Variants in PTPRN2 observed in about 807,000 individuals in gnomAD.
The protein encoded by PTPRN2 is receptor-type tyrosine-protein phosphatase N2.
In PTPRN2, 74 loss-of-function variants were observed where a neutral mutation model predicts 118.8. The observed-to-expected ratio is 0.62, with a 90% CI of 0.52 to 0.76. The LOEUF is 0.76. Among genes scored for constraint, PTPRN2 ranks in the 30% least tolerant of loss-of-function variants. PTPRN2 has a pLI of 0.00. For synonymous variants in PTPRN2, 641 were observed against 608.0 expected, an observed-to-expected ratio of 1.05 and a Z score of -0.80; for missense variants, 1,481 against 1,394.4, an observed-to-expected ratio of 1.06 and a Z score of -0.99.
intron 2 of PTPRN2, among the ~76,000 whole-genome samples, chr7:158,442,631 A>C (rs1224285633): frequency 6.6e-6 from 1 of 152,178 alleles, no homozygotes; most frequent in African/African-American, 2.4e-5. Flanking sequence ...ATTTACCCGA[A>C]TGTTCTTCAC....
intron 1 of PTPRN2, among the ~76,000 whole-genome samples, chr7:158,542,423 G>A (rs1163964692): frequency 6.6e-6 from 1 of 152,240 alleles, no homozygotes; most frequent in African/African-American, 2.4e-5. Context: ...AAAGTGATGG[G>A]ATTACGGGCG....
intron 12 of PTPRN2, among the ~76,000 whole-genome samples, chr7:157,714,068 G>A (rs892309963): frequency 6.6e-6 from 1 of 152,172 alleles, no homozygotes; most frequent in Admixed American, 6.5e-5. Context: ...CGAAGGCATC[G>A]TCTTCTATAT....
intron 2 of PTPRN2, among the ~76,000 whole-genome samples, chr7:158,450,084 T>C (rs1302179659): frequency 2.0e-5 from 3 of 152,212 alleles, no homozygotes; most frequent in African/African-American, 4.8e-5. Context: ...CACCGCGTCC[T>C]TACATGGAGG....
At chr7:158,375,897 C>G (rs919466172) in intron 2 of PTPRN2, among the ~76,000 whole-genome samples, 3 of 152,158 alleles carry the variant, frequency 2.0e-5, no homozygotes, top group African/African-American at 4.8e-5. Flanking sequence ...CCATCCATCC[C>G]ACTGAGAGCC....
chr7:157,578,179 C>T, intron 17 of PTPRN2, 39 bp from the exon 18 acceptor site: 1 of 1,577,840 alleles, frequency 6.3e-7, no homozygotes, highest in Non-Finnish European at 8.6e-7. Context: ...GTGTGACTGT[C>T]TCATCACCGC....
chr7:158,565,149 C>T lies in PTPRN2; in HGVS notation c.112+22409G>A, dbSNP rs924887346. Among the ~76,000 whole-genome samples the T allele has an allele frequency of 1.3e-5, 2 of 152,170 alleles. No individual in the cohort carries two copies. The highest frequency in any genetic ancestry group is 1.3e-4 in the Admixed American group (2 of 15,284). ...TTCTGCTCTATAAAACTATGAGGTT[C>T]CCAGGAACATGACACAGTCCGTGCT... On this transcript the variant is annotated intron_variant, in intron 1 of 22. Transcript: ENST00000389418. The surrounding 1 kb of genome is among the most constrained non-coding windows in gnomAD (Gnocchi z 4.6).
At chr7:158,518,290 A>G (rs570022076) in intron 1 of PTPRN2, among the ~76,000 whole-genome samples, 9 of 152,290 alleles carry the variant, frequency 5.9e-5, no homozygotes, top group African/African-American at 2.2e-4. Context: ...TATGAACATT[A>G]ATAGAGACGA....
At chr7:158,149,305 A>C (rs553288234) in intron 6 of PTPRN2, among the ~76,000 whole-genome samples, 1 of 152,338 alleles carries the variant, frequency 6.6e-6, no homozygotes, top group African/African-American at 2.4e-5. Flanking sequence ...CAATGTCATC[A>C]ATGTGTAAAT....
At chr7:158,554,222 G>A (rs1387660858) in intron 1 of PTPRN2, among the ~76,000 whole-genome samples, 1 of 152,194 alleles carries the variant, frequency 6.6e-6, no homozygotes, top group Non-Finnish European at 1.5e-5. Flanking sequence ...CTGAGATCGC[G>A]CCACTGCACT....
At chr7:158,187,905 C>G (rs1436787930) in intron 5 of PTPRN2, among the ~76,000 whole-genome samples, 1 of 152,176 alleles carries the variant, frequency 6.6e-6, no homozygotes, top group Middle Eastern at 3.2e-3. Flanking sequence ...CCAAACTTAT[C>G]AGAAGGTGGA....
chr7:157,812,974 C>T (rs1405460295), intron 12 of PTPRN2, among the ~76,000 whole-genome samples: 1 of 152,200 alleles, frequency 6.6e-6, no homozygotes, highest in Non-Finnish European at 1.5e-5. Flanking sequence ...ACATTCCACG[C>T]TGCTCCCTAA....
intron 17 of PTPRN2, among the ~76,000 whole-genome samples, chr7:157,579,954 G>C (rs948603112): frequency 6.6e-6 from 1 of 152,212 alleles, no homozygotes; most frequent in African/African-American, 2.4e-5. Context: ...TTCTCCATCT[G>C]TTTCCAGCCT....
At chr7:158,160,160 A>G (rs11770067) in intron 6 of PTPRN2, among the ~76,000 whole-genome samples, 95,066 of 152,000 alleles carry the variant, frequency 0.63, 30,812 homozygotes, top group East Asian at 0.84. Context: ...CTTCGTTTTA[A>G]GTGTCAACTT....
At chr7:157,734,566 G>T (rs2150950663) in intron 12 of PTPRN2, among the ~76,000 whole-genome samples, 1 of 152,342 alleles carries the variant, frequency 6.6e-6, no homozygotes, top group Middle Eastern at 3.4e-3. Context: ...TCCAGCCCCA[G>T]AGATGTACAA....
intron 2 of PTPRN2, among the ~76,000 whole-genome samples, chr7:158,369,268 TACACAC>T (rs59470664): frequency 1.4e-4 from 20 of 144,946 alleles, no homozygotes; most frequent in African/African-American, 5.0e-4. Context: ...TATACACACA[TACACAC>T]ACACACACAC....
chr7:158,450,326 C>G (rs767230473), intron 2 of PTPRN2, among the ~76,000 whole-genome samples: 7 of 152,264 alleles, frequency 4.6e-5, no homozygotes, highest in African/African-American at 7.2e-5. Context: ...CAGTCCATAA[C>G]CGCTGCCTCA....
Position 158,151,116 on chromosome 7 carries a change from C to G in PTPRN2, c.911-12601G>C, listed in dbSNP as rs1563520884. Among the ~76,000 whole-genome samples, 78 of 13,244 alleles carry G rather than the reference C, an allele frequency of 5.9e-3. 7 individuals carry two copies. The highest frequency in any genetic ancestry group is 0.018 in the African/African-American group (74 of 4,054). 8.7% of individuals were successfully genotyped at this position (13,244 alleles called of 152,430 possible). A position where few individuals can be genotyped will look rare whatever the true frequency, so the allele number is the denominator to read the frequency against. On this transcript the variant is annotated intron_variant, in intron 6 of 22. Coordinates refer to ENST00000389418, the MANE Select transcript of PTPRN2 (RefSeq NM_002847.5). ...AAACCGCCCGCCTTTCTGCTCCTACCCCTGCCCACACCGCCCGCCTTTCTA... is the reference window on the plus strand; with the variant it reads ...AAACCGCCCGCCTTTCTGCTCCTACGCCTGCCCACACCGCCCGCCTTTCTA...
In PTPRN2 at chr7:157,668,677, G is replaced by A. The variant is rs111568582; in HGVS notation, c.2002-12126C>T. 7.1e-3 allele frequency among the ~76,000 whole-genome samples: 1,077 copies of A among 152,278 alleles called. 18 individuals are homozygous for A. The highest frequency in any genetic ancestry group is 0.023 in the East Asian group (119 of 5,168). On this transcript the variant is annotated intron_variant, in intron 13 of 22. Transcript: ENST00000389418. ...CAGAGGGCAACACACAGCAGAAGCC[G>A]CGGGGCCCGGTGCAACCACAGGTGG... is the stretch of plus-strand genomic sequence containing the variant.
rs534639205 is a variant in PTPRN2, at chr7:158,374,405, G to A, written c.164-57473C>T. On this transcript the variant is annotated intron_variant, in intron 2 of 22. Transcript: ENST00000389418. ...ACACTCACTCGCTCCTGTGAAACCA[G>A]ACCCTGCAGCTCCTCATAGACACAC... 1.1e-4 allele frequency among the ~76,000 whole-genome samples: 16 copies of A among 152,254 alleles called. No homozygotes were observed. The East Asian group carries it at 1.9e-3, about 18-fold the overall frequency.
Sources: allele counts gnomAD v4.1 joint callset (sites outside exome capture counted in the v4.1 genomes callset), GRCh38; gene constraint gnomAD v4.1.1; non-coding constraint Gnocchi (gnomAD v3.1); transcripts MANE v1.5; gene names NCBI Gene and HGNC (gene_info 2026-07-23, HGNC 2026-07-21).